The following CDH18 variants were observed in gnomAD, a reference collection of about 807,000 sequenced individuals.
The protein encoded by CDH18 is cadherin 18.
In CDH18, 31 loss-of-function variants were observed where a neutral mutation model predicts 67.9. That is an observed-to-expected ratio of 0.46 (90% CI 0.34 to 0.62). The LOEUF (loss-of-function observed/expected upper bound fraction) is 0.62. Among genes scored for constraint, CDH18 ranks in the 20% least tolerant of loss-of-function variants. CDH18 has a pLI of 0.01. For synonymous variants in CDH18, 362 were observed against 347.2 expected, an observed-to-expected ratio of 1.04 and a Z score of -0.48; for missense variants, 890 against 975.5, an observed-to-expected ratio of 0.91 and a Z score of 1.17.
intron 2 of CDH18, among the ~76,000 whole-genome samples, chr5:19,971,937 CT>C (rs1179631199): frequency 6.6e-6 from 1 of 151,904 alleles, no homozygotes; most frequent in Admixed American, 6.6e-5. Flanking sequence ...CCATCGGAGT[CT>C]CCATTATACC....
At chr5:20,248,037 A>G (rs1197942368) in intron 2 of CDH18, among the ~76,000 whole-genome samples, 1 of 152,232 alleles carries the variant, frequency 6.6e-6, no homozygotes, top group Admixed American at 6.5e-5. Context: ...TTCCAAAAAT[A>G]TAAACATTAT....
At chr5:19,590,147 T>C (rs541649306) in intron 7 of CDH18, among the ~76,000 whole-genome samples, 2 of 152,232 alleles carry the variant, frequency 1.3e-5, no homozygotes, top group South Asian at 4.1e-4. Context: ...AACTGACACA[T>C]TGAAGGAACT....
chr5:19,654,626 G>A (rs1008413015), intron 5 of CDH18, among the ~76,000 whole-genome samples: 10 of 152,150 alleles, frequency 6.6e-5, no homozygotes, highest in Admixed American at 2.0e-4. Flanking sequence ...ATGCTACTGT[G>A]CTCTTTTAGC....
chr5:20,108,320 G>C (rs770330850), intron 2 of CDH18, among the ~76,000 whole-genome samples: 19 of 151,988 alleles, frequency 1.3e-4, no homozygotes, highest in Non-Finnish European at 2.2e-4. Context: ...TGGAACTTCT[G>C]AGCTCAGACA....
intron 8 of CDH18, among the ~76,000 whole-genome samples, chr5:19,564,543 G>T (rs1274302522): frequency 1.3e-5 from 2 of 152,116 alleles, no homozygotes; most frequent in African/African-American, 4.8e-5. Context: ...AGATCCCTTG[G>T]ACCTTGAGTA....
chr5:20,093,761 C>T (rs1580223926), intron 2 of CDH18, among the ~76,000 whole-genome samples: 1 of 152,032 alleles, frequency 6.6e-6, no homozygotes, highest in South Asian at 2.1e-4. Flanking sequence ...GGGCCCTTGC[C>T]AACTCTTGGT....
intron 3 of CDH18, among the ~76,000 whole-genome samples, chr5:19,755,532 G>T (rs1771487002): frequency 1.6e-5 from 1 of 61,622 alleles, no homozygotes; most frequent in Non-Finnish European, 5.2e-5. Flanking sequence ...TGCCCTGTTA[G>T]TTTTATATTT....
chr5:20,098,365 T>C (rs1189223390), intron 2 of CDH18, among the ~76,000 whole-genome samples: 1 of 152,076 alleles, frequency 6.6e-6, no homozygotes, highest in Non-Finnish European at 1.5e-5. Flanking sequence ...ATATAGACAC[T>C]GTGTAATAAT....
At chr5:20,115,423 C>A (rs1747816274) in intron 2 of CDH18, among the ~76,000 whole-genome samples, 1 of 151,480 alleles carries the variant, frequency 6.6e-6, no homozygotes, top group African/African-American at 2.4e-5. Context: ...GGACTACAGG[C>A]ATGCACCACC....
At chr5:20,014,016 T>C (rs1737676334) in intron 2 of CDH18, among the ~76,000 whole-genome samples, 1 of 152,132 alleles carries the variant, frequency 6.6e-6, no homozygotes, top group East Asian at 1.9e-4. Context: ...TTTATACCAC[T>C]GTGGTTATAC....
chr5:20,129,899 T>C (rs1324318670), intron 2 of CDH18, among the ~76,000 whole-genome samples: 10 of 151,744 alleles, frequency 6.6e-5, no homozygotes, highest in Non-Finnish European at 1.5e-5. Context: ...ATTATATAGG[T>C]CTCTAAAATT....
At chr5:19,958,762 A>G (rs996626024) in intron 2 of CDH18, among the ~76,000 whole-genome samples, 2 of 152,028 alleles carry the variant, frequency 1.3e-5, no homozygotes, top group Middle Eastern at 3.2e-3. Context: ...AAAGTCTGGA[A>G]GTAACAAACG....
At chr5:20,153,960 C>T (rs1561834955) in intron 2 of CDH18, among the ~76,000 whole-genome samples, 1 of 152,168 alleles carries the variant, frequency 6.6e-6, no homozygotes, top group Non-Finnish European at 1.5e-5. Flanking sequence ...GTTAAATACA[C>T]ATGACATATG....
intron 5 of CDH18, among the ~76,000 whole-genome samples, chr5:19,671,192 C>T (rs1165324499): frequency 6.6e-6 from 1 of 152,040 alleles, no homozygotes; most frequent in Non-Finnish European, 1.5e-5. Context: ...AGGGACTGAG[C>T]AGTCAATTAA....
At chr5:20,393,741 G>A (rs969565651) in intron 1 of CDH18, among the ~76,000 whole-genome samples, 6 of 151,772 alleles carry the variant, frequency 4.0e-5, no homozygotes, top group Non-Finnish European at 8.8e-5. Flanking sequence ...ATCAAGCTGA[G>A]AATCAAATCA....
intron 2 of CDH18, among the ~76,000 whole-genome samples, chr5:20,003,341 G>A (rs1172916110): frequency 6.6e-6 from 1 of 151,842 alleles, no homozygotes; most frequent in Non-Finnish European, 1.5e-5. Context: ...GAGGGTTGTG[G>A]GTAGAAGATT....
chr5:20,333,214 AT>A (rs969330133), intron 1 of CDH18, among the ~76,000 whole-genome samples: 4 of 152,008 alleles, frequency 2.6e-5, no homozygotes, highest in African/African-American at 9.7e-5. Flanking sequence ...TGGGATCAAA[AT>A]ATTTTTCATG....
chr5:20,065,030 T>G (rs1742855468), intron 2 of CDH18, among the ~76,000 whole-genome samples: 1 of 152,130 alleles, frequency 6.6e-6, no homozygotes, highest in Admixed American at 6.6e-5. Flanking sequence ...AATAACAGTT[T>G]ATTGTCCCAG....
intron 1 of CDH18, among the ~76,000 whole-genome samples, chr5:20,392,289 T>C (rs898477918): frequency 6.6e-6 from 1 of 151,818 alleles, no homozygotes; most frequent in African/African-American, 2.4e-5. Flanking sequence ...TAAATATCAC[T>C]TTTCAAAACA....
Sources: allele counts gnomAD v4.1 joint callset (sites outside exome capture counted in the v4.1 genomes callset), GRCh38; gene constraint gnomAD v4.1.1; transcripts MANE v1.5; gene names NCBI Gene and HGNC (gene_info 2026-07-23, HGNC 2026-07-21).